The following GRAMD2A variants were observed in gnomAD, a reference collection of about 807,000 sequenced individuals.
The protein encoded by GRAMD2A is GRAM domain-containing protein 2A.
Under a neutral mutation model 51.1 loss-of-function variants are expected in GRAMD2A, and 37 were observed. That is an observed-to-expected ratio of 0.72 (90% CI 0.56 to 0.95). GRAMD2A has a LOEUF of 0.95. GRAMD2A is among the 40% of genes least tolerant of loss of function. The pLI is 0.00. For synonymous variants in GRAMD2A, 136 were observed against 157.1 expected (o/e 0.87, Z 1.01); for missense variants, 414 against 426.9 (o/e 0.97, Z 0.27).
chr15:72,185,689 C>T (rs541225752), intron 1 of GRAMD2A, among the ~76,000 whole-genome samples: 1 of 152,204 alleles, frequency 6.6e-6, no homozygotes, highest in South Asian at 2.1e-4. Context: ...ATTAACTGGC[C>T]TAGGAAAGAT....
At chr15:72,190,564 C>A (rs888114160) in intron 1 of GRAMD2A, among the ~76,000 whole-genome samples, 1 of 152,192 alleles carries the variant, frequency 6.6e-6, no homozygotes, top group African/African-American at 2.4e-5. Context: ...TTGCAAGATT[C>A]ATTAACTTTT....
At chr15:72,169,746 G>A (rs2081589366) in intron 2 of GRAMD2A, 101 bp downstream of exon 2, 3 of 940,728 alleles carry the variant, frequency 3.2e-6, no homozygotes, top group African/African-American at 3.2e-5. Context: ...CTGCAAAGGG[G>A]CCCCGGCTCT....
chr15:72,168,068 T>G (rs2081568379), intron 4 of GRAMD2A, among the ~76,000 whole-genome samples: 1 of 152,078 alleles, frequency 6.6e-6, no homozygotes, highest in African/African-American at 2.4e-5. Flanking sequence ...GTTTCTTCCT[T>G]CTCCACCCTT....
chr15:72,181,782 C>T (rs566995540), intron 1 of GRAMD2A, among the ~76,000 whole-genome samples: 4 of 152,258 alleles, frequency 2.6e-5, no homozygotes, highest in Non-Finnish European at 4.4e-5. Flanking sequence ...CAGCCTTGAA[C>T]ATGTGTGAGA....
Position 72,167,733 on chromosome 15 carries a change from T to C in GRAMD2A, c.372+3A>G. 6.2e-7 allele frequency: 1 copy of C among 1,610,082 alleles called. No homozygotes were observed. Among genetic ancestry groups the C allele is most frequent in the Non-Finnish European group, 8.5e-7 (1 of 1,176,386 alleles). Reference sequence around the variant, plus strand: ...CATGGCAGCCCTCACCACTCATTACTACCTTGATATCCTTGCCAAAGAGGC... The same window carrying C: ...CATGGCAGCCCTCACCACTCATTACCACCTTGATATCCTTGCCAAAGAGGC... On this transcript the variant is annotated splice_donor_region_variant and intron_variant, in intron 5 of 11. Coordinates refer to ENST00000309731, the MANE Select transcript of GRAMD2A (RefSeq NM_001012642.3).
At chr15:72,168,159 C>T (rs1282357080) in intron 4 of GRAMD2A, among the ~76,000 whole-genome samples, 3 of 152,234 alleles carry the variant, frequency 2.0e-5, no homozygotes, top group African/African-American at 7.2e-5. Context: ...CCTGACCTTT[C>T]CCTGCTCTGC....
intron 2 of GRAMD2A, 39 bp downstream of exon 2, chr15:72,169,808 T>C: frequency 1.3e-6 from 2 of 1,510,658 alleles, no homozygotes; most frequent in Middle Eastern, 1.7e-4. Flanking sequence ...TCCCACCCTC[T>C]AGTCTGTGTG....
intron 1 of GRAMD2A, chr15:72,173,713 G>A (rs2081630942): frequency 6.6e-6 from 1 of 152,122 alleles, no homozygotes; most frequent in African/African-American, 2.4e-5. Flanking sequence ...TGGATCACCT[G>A]AGGTCAGGAG....
rs182380749 is a variant in GRAMD2A at position 72,166,492 on chromosome 15, T to G, written c.543+140A>C. On this transcript the variant is annotated intron_variant, in intron 7 of 11. Transcript: ENST00000309731. This position sits in a 1 kb window ranked among gnomAD's most constrained non-coding sequence, Gnocchi z 4.1. ...AATCCAAGTACTGTCTCTTGTACAT[T>G]GAGCCTGAGCCTTTAACTCCCCTCT... The G allele has an allele frequency of 2.7e-3, 1,795 of 674,124 alleles. 5 individuals are homozygous for G. Among genetic ancestry groups the G allele is most frequent in the Non-Finnish European group, 4.1e-3 (1,538 of 373,746 alleles). 41.8% of individuals were successfully genotyped at this position (674,124 alleles called of 1,614,324 possible).
chr15:72,194,145 C>A (rs999622206), intron 1 of GRAMD2A, among the ~76,000 whole-genome samples: 1 of 152,208 alleles, frequency 6.6e-6, no homozygotes, highest in Non-Finnish European at 1.5e-5. Context: ...TGGCCAAGGC[C>A]GACCTCAAGT....
intron 1 of GRAMD2A, among the ~76,000 whole-genome samples, chr15:72,182,784 C>T (rs1331079378): frequency 6.6e-6 from 1 of 152,136 alleles, no homozygotes; most frequent in Non-Finnish European, 1.5e-5. Flanking sequence ...TTGCCAGGGC[C>T]TGGGGGCAGA....
At chr15:72,182,806 G>A (rs1381113352) in intron 1 of GRAMD2A, among the ~76,000 whole-genome samples, 1 of 152,208 alleles carries the variant, frequency 6.6e-6, no homozygotes, top group Non-Finnish European at 1.5e-5. Flanking sequence ...GGGATAATGA[G>A]TTGTTGTTCT....
intron 1 of GRAMD2A, among the ~76,000 whole-genome samples, chr15:72,192,221 G>T (rs1157685937): frequency 1.3e-5 from 2 of 152,142 alleles, no homozygotes; most frequent in Non-Finnish European, 2.9e-5. Flanking sequence ...ATGGGTACAT[G>T]CCACTTATTA....
chr15:72,163,237 C>T (rs550215031), intron 10 of GRAMD2A, 29 bp downstream of exon 10: 1 of 1,529,486 alleles, frequency 6.5e-7, no homozygotes, highest in East Asian at 2.3e-5. Context: ...GCAGGTGGGT[C>T]TGTCCCCCTC....
In GRAMD2A at chr15:72,167,040, C is replaced by T. The variant is rs373041989; in HGVS notation, c.425G>A (p.Arg142Gln). 1.5e-5 allele frequency: 25 copies of T among 1,613,968 alleles called. No individual in the cohort carries two copies. The highest frequency in any genetic ancestry group is 3.3e-5 in the Admixed American group (2 of 59,994). Reference sequence around the variant, plus strand: ...GATGGCCAGTCCATTGGGAAGGAGCCGTGCCATCTTGTGTTTTTTGATCAT... The same window carrying T: ...GATGGCCAGTCCATTGGGAAGGAGCTGTGCCATCTTGTGTTTTTTGATCAT... ...VQMIKKHKMA[R>Q]LLPNGLAITT... The change falls in exon 6 of 12, where the codon CGG (arginine) becomes CAG (glutamine). Residue 142 changes from arginine (R) to glutamine (Q), a missense_variant. Transcript: ENST00000309731.
chr15:72,183,456 A>G (rs1386199784), intron 1 of GRAMD2A, among the ~76,000 whole-genome samples: 1 of 152,066 alleles, frequency 6.6e-6, no homozygotes, highest in African/African-American at 2.4e-5. Flanking sequence ...TGGAGCTTGC[A>G]GTGAGCTGAG....
rs541911830 is a variant in GRAMD2A at position 72,179,960 on chromosome 15, G to A, written c.42-10021C>T. Among the ~76,000 whole-genome samples the A allele has an allele frequency of 6.6e-5, 10 of 152,276 alleles. No individual in the cohort carries two copies. In the East Asian group the frequency reaches 1.9e-3, roughly 29 times the overall value. ...GCGGCAAGGCCCTCTCTACACCTGGGCCACACCCAGTGACTGCCTCCCACC... is the reference window on the plus strand; with the variant it reads ...GCGGCAAGGCCCTCTCTACACCTGGACCACACCCAGTGACTGCCTCCCACC... On this transcript the variant is annotated intron_variant, in intron 1 of 11. Transcript: ENST00000309731.
intron 1 of GRAMD2A, among the ~76,000 whole-genome samples, chr15:72,172,108 G>A (rs2081615967): frequency 6.6e-6 from 1 of 150,560 alleles, no homozygotes; most frequent in South Asian, 2.1e-4. Flanking sequence ...TTACAGGCAT[G>A]AGCCACCACG....
Position 72,163,399 on chromosome 15 carries a change from G to T in GRAMD2A, c.823C>A (p.Pro275Thr), listed in dbSNP as rs1484392554. 6.2e-6 allele frequency: 10 copies of T among 1,613,936 alleles called. No homozygotes were observed. The South Asian group carries it at 1.1e-4, about 18-fold the overall frequency. ...WPMPGWGPAC[P>T]KKMPNCSPTA... ...GGAGAGCAGTTCGGCATCTTCTTAG[G>T]GCAGGCAGGACCCCAGCCTGGCATG... The change falls in exon 10 of 12, where the codon CCT becomes ACT. Residue 275 changes from proline to threonine, a missense_variant. By Grantham distance (38) the Pro-to-Thr change is conservative. Coordinates refer to ENST00000309731, the MANE Select transcript of GRAMD2A (RefSeq NM_001012642.3).
Sources: gnomAD v4.1 joint callset for allele counts (sites outside exome capture counted in the v4.1 genomes callset) on GRCh38, gnomAD v4.1.1 for gene constraint, Gnocchi (gnomAD v3.1) non-coding constraint, MANE v1.5 for transcripts, NCBI Gene and HGNC (gene_info 2026-07-23, HGNC 2026-07-21) for gene names.